The following ITGA9 variants were observed in gnomAD, a reference collection of about 807,000 sequenced individuals.
The protein encoded by ITGA9 is integrin subunit alpha 9.
In ITGA9, 56 loss-of-function variants were observed where a neutral mutation model predicts 127.8. The observed-to-expected ratio is 0.44, with a 90% CI of 0.35 to 0.55. The LOEUF is 0.55. Among genes scored for constraint, ITGA9 ranks in the 20% least tolerant of loss-of-function variants. The pLI is 0.00. For synonymous variants in ITGA9, 508 were observed against 514.5 expected (o/e 0.99, Z 0.17); for missense variants, 1,196 against 1,347.1 (o/e 0.89, Z 1.76).
At chr3:37,672,431 A>G (rs1253560127) in intron 17 of ITGA9, among the ~76,000 whole-genome samples, 1 of 152,098 alleles carries the variant, frequency 6.6e-6, no homozygotes, top group African/African-American at 2.4e-5. Flanking sequence ...TTTGCTTCTC[A>G]TTCACCTTCC....
chr3:37,689,949 C>T (rs1425564710), intron 18 of ITGA9, among the ~76,000 whole-genome samples: 1 of 152,144 alleles, frequency 6.6e-6, no homozygotes, highest in Non-Finnish European at 1.5e-5. Context: ...CCTATTGGGG[C>T]CAAAGGCATG....
intron 3 of ITGA9, among the ~76,000 whole-genome samples, chr3:37,474,056 A>G (rs905422930): frequency 1.3e-5 from 2 of 152,236 alleles, no homozygotes; most frequent in South Asian, 4.1e-4. Context: ...TCAGTAGTTC[A>G]TTCCTGTTTA....
At chr3:37,509,796 G>T (rs1473513895) in intron 8 of ITGA9, among the ~76,000 whole-genome samples, 1 of 152,082 alleles carries the variant, frequency 6.6e-6, no homozygotes, top group Non-Finnish European at 1.5e-5. Context: ...GAGCCATTCT[G>T]CAAAAGGGTT....
intron 18 of ITGA9, among the ~76,000 whole-genome samples, chr3:37,695,673 C>T (rs1255499699): frequency 6.6e-6 from 1 of 152,218 alleles, no homozygotes; most frequent in Admixed American, 6.5e-5. Flanking sequence ...GTGGTGGCCT[C>T]TGGCATTGTT....
At chr3:37,662,586 G>A (rs1441685613) in intron 17 of ITGA9, among the ~76,000 whole-genome samples, 2 of 152,170 alleles carry the variant, frequency 1.3e-5, no homozygotes, top group Non-Finnish European at 2.9e-5. Context: ...GTAGGTCTGT[G>A]GGGCAGCTGC....
chr3:37,664,467 C>T (rs1700566424), intron 17 of ITGA9, among the ~76,000 whole-genome samples: 1 of 147,510 alleles, frequency 6.8e-6, no homozygotes, highest in African/African-American at 2.5e-5. Flanking sequence ...TCTTGTTGCC[C>T]AGGCTGGCAA....
At chr3:37,551,246 C>T (rs1275170925) in intron 15 of ITGA9, among the ~76,000 whole-genome samples, 1 of 151,938 alleles carries the variant, frequency 6.6e-6, no homozygotes, top group Non-Finnish European at 1.5e-5. Context: ...TATTTTTCAC[C>T]CTCATTCCGT....
chr3:37,515,364 A>G (rs1053541369), intron 9 of ITGA9, among the ~76,000 whole-genome samples: 1 of 152,200 alleles, frequency 6.6e-6, no homozygotes, highest in African/African-American at 2.4e-5. Flanking sequence ...GCAGAGGTTT[A>G]GCTATAACTA....
chr3:37,559,784 G>A (rs1699467606), intron 15 of ITGA9, among the ~76,000 whole-genome samples: 2 of 152,172 alleles, frequency 1.3e-5, no homozygotes, highest in South Asian at 2.1e-4. Flanking sequence ...CTCCCTGGGA[G>A]GCCTGGTGGC....
At chr3:37,697,351 T>A (rs1201055729) in intron 18 of ITGA9, among the ~76,000 whole-genome samples, 3 of 141,808 alleles carry the variant, frequency 2.1e-5, no homozygotes, top group Non-Finnish European at 3.1e-5. Flanking sequence ...TTATTATTAT[T>A]ATACTTTAAG....
At chr3:37,713,307 A>G (rs1232061135) in intron 18 of ITGA9, among the ~76,000 whole-genome samples, 1 of 152,098 alleles carries the variant, frequency 6.6e-6, no homozygotes, top group Non-Finnish European at 1.5e-5. Context: ...GTGCTGCCTA[A>G]GTGTAAGATT....
intron 15 of ITGA9, among the ~76,000 whole-genome samples, chr3:37,604,151 G>GC (rs1559547133): frequency 6.6e-6 from 1 of 152,312 alleles, no homozygotes; most frequent in Non-Finnish European, 1.5e-5. Flanking sequence ...CAGCCCTTTG[G>GC]CAGAGACAGG....
chr3:37,801,159 C>T lies in ITGA9; in HGVS notation c.2890-2664C>T, dbSNP rs575938819. Among the ~76,000 whole-genome samples the T allele has an allele frequency of 2.5e-3, 381 of 151,704 alleles. 1 individual carries two copies. Among genetic ancestry groups the T allele is most frequent in the African/African-American group, 8.2e-3 (341 of 41,386 alleles). On this transcript the variant is annotated intron_variant, in intron 26 of 27. Transcript: ENST00000264741. ...CAGCCTGAGCAACGGAGCAAGACTCCGTCTCAAAAAAAGAAAGAAAAGAAA... is the reference window on the plus strand; with the variant it reads ...CAGCCTGAGCAACGGAGCAAGACTCTGTCTCAAAAAAAGAAAGAAAAGAAA...
chr3:37,536,810 A>G (rs756122721), intron 14 of ITGA9, among the ~76,000 whole-genome samples: 1 of 152,226 alleles, frequency 6.6e-6, no homozygotes, highest in Middle Eastern at 3.2e-3. Context: ...CAAAAACCAT[A>G]CCAGTTATTT....
In ITGA9 at chr3:37,822,401, CAAA is replaced by C. The variant is rs1218806815; in HGVS notation, c.*3413_*3415del. 1.3e-5 allele frequency: 2 copies of C among 152,148 alleles called. No homozygotes were observed. Among genetic ancestry groups the C allele is most frequent in the African/African-American group, 2.4e-5 (1 of 41,426 alleles). The allele number at this position is 152,148 out of a possible 1,614,324, so 9.4% of individuals were successfully genotyped here. A position where few individuals can be genotyped will look rare whatever the true frequency, so the allele number is the denominator to read the frequency against. The stretch of plus-strand genomic sequence containing the variant: ...CTCCAAGTGGGCCATAGAGCTGTCA[CAAA>C]GAAGAGGCCATGATGTTTAGAAACA... On this transcript the variant is annotated 3_prime_UTR_variant, in exon 28 of 28. Transcript: ENST00000264741.
chr3:37,801,981 G>A (rs1288362780), intron 26 of ITGA9, among the ~76,000 whole-genome samples: 1 of 152,228 alleles, frequency 6.6e-6, no homozygotes, highest in African/African-American at 2.4e-5. Flanking sequence ...GAGCCAGTAA[G>A]TAATTCATTC....
chr3:37,735,255 T>C lies in ITGA9; in HGVS notation c.2155-1649T>C, dbSNP rs544420719. 9.2e-4 allele frequency among the ~76,000 whole-genome samples: 140 copies of C among 152,322 alleles called. 3 individuals carry two copies. In the South Asian group the frequency reaches 0.028, roughly 30 times the overall value. On this transcript the variant is annotated intron_variant, in intron 19 of 27. Coordinates refer to ENST00000264741, the MANE Select transcript of ITGA9 (RefSeq NM_002207.3). ...TAATTTAATTCAGATCTCCTCCCAG[T>C]GCTGACTCTACACCAGTCAAGACCC...
At chr3:37,533,607 C>G in intron 14 of ITGA9, 139 bp downstream of exon 14, 1 of 770,640 alleles carries the variant, frequency 1.3e-6, no homozygotes, top group Non-Finnish European at 2.2e-6. Flanking sequence ...TCCTTTCCCT[C>G]TGAGGTTCCT....
chr3:37,556,702 G>A (rs1007409255), intron 15 of ITGA9, among the ~76,000 whole-genome samples: 13 of 152,354 alleles, frequency 8.5e-5, no homozygotes, highest in Non-Finnish European at 1.3e-4. Context: ...CAAGGAGCTC[G>A]AAGACATAGA....
Sources: allele counts gnomAD v4.1 joint callset (sites outside exome capture counted in the v4.1 genomes callset), GRCh38; gene constraint gnomAD v4.1.1; transcripts MANE v1.5; gene names NCBI Gene and HGNC (gene_info 2026-07-23, HGNC 2026-07-21).